The following KCNH8 variants were observed in gnomAD, a reference collection of about 807,000 sequenced individuals.
KCNH8 encodes voltage-gated delayed rectifier potassium channel KCNH8.
A neutral mutation model predicts 103.6 loss-of-function variants in KCNH8; 70 were observed. The observed-to-expected ratio is 0.68, with a 90% CI of 0.56 to 0.82. KCNH8 has a LOEUF of 0.82. KCNH8 is among the 40% of genes least tolerant of loss of function. The pLI, the probability that KCNH8 is intolerant of heterozygous loss-of-function variation, is 0.00. For missense variants in KCNH8, 1,217 were observed against 1,329.9 expected, an observed-to-expected ratio of 0.92 and a Z score of 1.32; for synonymous variants, 498 against 489.4, an observed-to-expected ratio of 1.02 and a Z score of -0.23.
At chr3:19,525,687 C>CA (rs2069051925) in intron 15 of KCNH8, among the ~76,000 whole-genome samples, 1 of 151,878 alleles carries the variant, frequency 6.6e-6, no homozygotes, top group Non-Finnish European at 1.5e-5. Flanking sequence ...ATTGGTAATG[C>CA]TAGACTTGTA....
chr3:19,262,833 A>G (rs996864748), intron 2 of KCNH8, among the ~76,000 whole-genome samples: 3 of 152,088 alleles, frequency 2.0e-5, no homozygotes, highest in African/African-American at 7.2e-5. Context: ...AAATAAAAAG[A>G]TAGTTTATTC....
intron 7 of KCNH8, among the ~76,000 whole-genome samples, chr3:19,403,922 T>C (rs1202628955): frequency 6.6e-6 from 1 of 151,850 alleles, no homozygotes; most frequent in Non-Finnish European, 1.5e-5. Flanking sequence ...TTTTACATTA[T>C]GCCCCATATG....
At chr3:19,192,419 A>T (rs2063562102) in intron 1 of KCNH8, among the ~76,000 whole-genome samples, 1 of 151,578 alleles carries the variant, frequency 6.6e-6, no homozygotes, top group African/African-American at 2.4e-5. Context: ...TTATCATCCA[A>T]TATTTCTCCA....
intron 15 of KCNH8, among the ~76,000 whole-genome samples, chr3:19,531,355 T>A (rs910034274): frequency 6.6e-6 from 1 of 152,232 alleles, no homozygotes; most frequent in Non-Finnish European, 1.5e-5. Flanking sequence ...ATTCATGTGC[T>A]TTAGAATTGA....
chr3:19,419,968 A>C (rs2066926908), intron 7 of KCNH8, among the ~76,000 whole-genome samples: 1 of 152,156 alleles, frequency 6.6e-6, no homozygotes. Context: ...CATAGGATAA[A>C]ATGTCATATG....
intron 3 of KCNH8, among the ~76,000 whole-genome samples, chr3:19,284,151 A>T (rs2125276166): frequency 6.6e-6 from 1 of 152,186 alleles, no homozygotes; most frequent in East Asian, 1.9e-4. Flanking sequence ...CATTAAAAAA[A>T]ACTAAATGAG....
intron 5 of KCNH8, among the ~76,000 whole-genome samples, chr3:19,375,837 A>C (rs1268543802): frequency 2.0e-5 from 3 of 152,146 alleles, no homozygotes; most frequent in Non-Finnish European, 2.9e-5. Flanking sequence ...CAGGGCCCTC[A>C]GCTGCAGGTC....
chr3:19,372,087 C>T (rs1052999618), intron 5 of KCNH8, among the ~76,000 whole-genome samples: 4 of 152,096 alleles, frequency 2.6e-5, no homozygotes, highest in Non-Finnish European at 4.4e-5. Context: ...ATTGACTTGG[C>T]GATGCGGGCT....
intron 2 of KCNH8, among the ~76,000 whole-genome samples, chr3:19,279,449 G>C (rs1186885850): frequency 6.6e-6 from 1 of 151,898 alleles, no homozygotes; most frequent in Admixed American, 6.6e-5. Context: ...TTCATGGCTA[G>C]TTAGTATTAG....
At chr3:19,506,231 TG>T (rs2068690171) in intron 11 of KCNH8, among the ~76,000 whole-genome samples, 1 of 152,200 alleles carries the variant, frequency 6.6e-6, no homozygotes, top group South Asian at 2.1e-4. Flanking sequence ...GAGGCCACTC[TG>T]GCTTTTTGAG....
chr3:19,379,313 T>C (rs2066256073), intron 5 of KCNH8, among the ~76,000 whole-genome samples: 1 of 152,222 alleles, frequency 6.6e-6, no homozygotes, highest in Non-Finnish European at 1.5e-5. Context: ...TAAATAAGTA[T>C]TTAGCATAGC....
chr3:19,207,674 C>A (rs1331549745), intron 1 of KCNH8, among the ~76,000 whole-genome samples: 2 of 151,940 alleles, frequency 1.3e-5, no homozygotes, highest in African/African-American at 4.8e-5. Flanking sequence ...CGTTCCTTTT[C>A]ATAGCAGTAT....
At chr3:19,200,622 A>G (rs1442682372) in intron 1 of KCNH8, among the ~76,000 whole-genome samples, 1 of 151,936 alleles carries the variant, frequency 6.6e-6, no homozygotes, top group Non-Finnish European at 1.5e-5. Context: ...TTAAATTAAC[A>G]TTAGCTCAGC....
At chr3:19,275,548 T>C (rs527566446) in intron 2 of KCNH8, among the ~76,000 whole-genome samples, 178 of 152,244 alleles carry the variant, frequency 1.2e-3, no homozygotes, top group African/African-American at 4.0e-3. Context: ...ATGAGCTGCA[T>C]TGTAGATAGA....
chr3:19,294,583 C>T (rs1362668355), intron 3 of KCNH8, among the ~76,000 whole-genome samples: 1 of 152,142 alleles, frequency 6.6e-6, no homozygotes, highest in Non-Finnish European at 1.5e-5. Context: ...GATGCTTAAA[C>T]TGATTTAAAA....
At chr3:19,208,758 T>C (rs1038634547) in intron 1 of KCNH8, among the ~76,000 whole-genome samples, 2 of 152,014 alleles carry the variant, frequency 1.3e-5, no homozygotes, top group African/African-American at 4.8e-5. Context: ...AAGAGACTTA[T>C]GGCAGATATG....
At chr3:19,467,417 C>G (rs969423948) in intron 11 of KCNH8, among the ~76,000 whole-genome samples, 3 of 152,284 alleles carry the variant, frequency 2.0e-5, no homozygotes, top group Non-Finnish European at 4.4e-5. Context: ...ATTGCTTTCT[C>G]TGTGATAGAC....
intron 6 of KCNH8, 25 bp downstream of exon 6, chr3:19,390,663 T>G: frequency 6.3e-7 from 1 of 1,599,528 alleles, no homozygotes; most frequent in Non-Finnish European, 8.5e-7. Flanking sequence ...CCCCGCCACA[T>G]GGCCTTTAAG....
chr3:19,325,078 T>C (rs2065403388), intron 3 of KCNH8, among the ~76,000 whole-genome samples: 1 of 151,960 alleles, frequency 6.6e-6, no homozygotes, highest in Non-Finnish European at 1.5e-5. Context: ...TCAACAAACC[T>C]GACAAAAACA....
Sources: allele counts gnomAD v4.1 joint callset (sites outside exome capture counted in the v4.1 genomes callset), GRCh38; gene constraint gnomAD v4.1.1; transcripts MANE v1.5; gene names NCBI Gene and HGNC (gene_info 2026-07-23, HGNC 2026-07-21).